Variants in OTOGL observed in about 807,000 individuals in gnomAD.
OTOGL encodes the protein otogelin-like protein.
OTOGL carries 285 observed loss-of-function variants against 318.5 expected under a neutral mutation model. The observed-to-expected ratio is 0.89, with a 90% CI of 0.81 to 0.99. The LOEUF is 0.99. OTOGL is among the 50% of genes least tolerant of loss of function. The pLI is 0.00. For synonymous variants in OTOGL, 987 were observed against 936.5 expected (o/e 1.05, Z -0.99); for missense variants, 2,899 against 2,845.6 (o/e 1.02, Z -0.43).
intron 1 of OTOGL, among the ~76,000 whole-genome samples, chr12:80,161,061 T>C (rs533178944): frequency 6.6e-6 from 1 of 152,020 alleles, no homozygotes; most frequent in South Asian, 2.1e-4. Flanking sequence ...AATGACATAA[T>C]GGACTTTGGG....
Position 80,368,197 on chromosome 12 carries a change from A to G in OTOGL, c.6511-8A>G. The G allele has an allele frequency of 6.4e-7, 1 of 1,563,282 alleles. No individual in the cohort carries two copies. Among genetic ancestry groups the G allele is most frequent in the Non-Finnish European group, 8.8e-7 (1 of 1,142,648 alleles). On this transcript the variant is annotated splice_polypyrimidine_tract_variant and splice_region_variant and intron_variant, in intron 54 of 58. Transcript: ENST00000547103. ...ATGGTGTCGCTAATCTAATATCATT[A>G]TATGCAGCACCAGGTATATACTCCA...
chr12:80,258,916 CT>C (rs2137533483), intron 18 of OTOGL, among the ~76,000 whole-genome samples: 1 of 151,928 alleles, frequency 6.6e-6, no homozygotes, highest in East Asian at 1.9e-4. Context: ...TATATAATGA[CT>C]ATAATTAATG....
chr12:80,194,848 A>G (rs1875944309), intron 1 of OTOGL, among the ~76,000 whole-genome samples: 1 of 152,144 alleles, frequency 6.6e-6, no homozygotes, highest in Non-Finnish European at 1.5e-5. Flanking sequence ...AACTGGAAAC[A>G]TTGTACAAGC....
Position 80,273,627 on chromosome 12 carries a change from G to A in OTOGL, c.2681+1817G>A, listed in dbSNP as rs901398148. Among the ~76,000 whole-genome samples the A allele has an allele frequency of 5.3e-5, 8 of 152,168 alleles. 1 individual carries two copies. The South Asian group carries it at 8.3e-4, about 16-fold the overall frequency. ...GTTATATAGTAAGAGCTCAGCAAAT[G>A]TTTATTTCTTATCCCACTGCCCAAA... On this transcript the variant is annotated intron_variant, in intron 24 of 58. Transcript: ENST00000547103.
At chr12:80,285,370 T>G (rs193138609) in intron 26 of OTOGL, among the ~76,000 whole-genome samples, 18 of 152,300 alleles carry the variant, frequency 1.2e-4, no homozygotes, top group Non-Finnish European at 2.4e-4. Flanking sequence ...GGCTCTTTTT[T>G]GATTCCATAT....
chr12:80,156,120 C>A (rs182600481), intron 1 of OTOGL, among the ~76,000 whole-genome samples: 1 of 152,236 alleles, frequency 6.6e-6, no homozygotes, highest in Admixed American at 6.5e-5. Context: ...CATTTGAGTC[C>A]GTGGACTGCG....
chr12:80,160,070 A>C lies in OTOGL; in HGVS notation c.-19-49343A>C, dbSNP rs187256704. On this transcript the variant is annotated intron_variant, in intron 1 of 58. Transcript: ENST00000547103. ...TGTAAGAGAAAGAAACTGGATTCTC[A>C]TCTCTCATTTTATACAAAAATCAAT... Among the ~76,000 whole-genome samples, 640 of 152,234 alleles carry C rather than the reference A, an allele frequency of 4.2e-3. 5 individuals are homozygous for C. Among genetic ancestry groups the C allele is most frequent in the African/African-American group, 0.015 (614 of 41,570 alleles).
chr12:80,129,508 C>T (rs1469650120), intron 1 of OTOGL, among the ~76,000 whole-genome samples: 1 of 152,190 alleles, frequency 6.6e-6, no homozygotes, highest in African/African-American at 2.4e-5. Context: ...TCAAAAATAT[C>T]AACTAATACT....
Position 80,339,065 on chromosome 12 carries a change from G to A in OTOGL, c.4861-10G>A. On this transcript the variant is annotated splice_polypyrimidine_tract_variant and intron_variant, in intron 42 of 58. Transcript: ENST00000547103. ...AATATTTCTTAACAGGTGTATTTAT[G>A]TTATTCTAGGTAGAAGTGGATTCCA... is the stretch of plus-strand genomic sequence containing the variant. 6.3e-7 allele frequency: 1 copy of A among 1,579,312 alleles called. No homozygotes were observed. The highest frequency in any genetic ancestry group is 8.7e-7 in the Non-Finnish European group (1 of 1,153,192).
chr12:80,321,767 GGTGTGGTGACATACATTCTTTA>G (rs994295484), intron 34 of OTOGL, among the ~76,000 whole-genome samples: 3 of 152,094 alleles, frequency 2.0e-5, no homozygotes, highest in Non-Finnish European at 2.9e-5. Context: ...TGCATTCTTA[GGTGTGGTGACATACATTCTTTA>G]GTGTGGTGAC....
chr12:80,203,355 C>G (rs1209690610), intron 1 of OTOGL, among the ~76,000 whole-genome samples: 1 of 151,878 alleles, frequency 6.6e-6, no homozygotes, highest in South Asian at 2.1e-4. Context: ...TTATAAGGAC[C>G]CTTTATCTGG....
intron 1 of OTOGL, among the ~76,000 whole-genome samples, chr12:80,103,502 T>G (rs1049697867): frequency 2.6e-5 from 4 of 152,194 alleles, no homozygotes; most frequent in African/African-American, 9.6e-5. Flanking sequence ...AAATATCACT[T>G]TCTTGACCCC....
intron 1 of OTOGL, among the ~76,000 whole-genome samples, chr12:80,204,651 A>T (rs1444468147): frequency 2.0e-5 from 3 of 152,304 alleles, no homozygotes; most frequent in African/African-American, 7.2e-5. Context: ...CATGATATAA[A>T]AATCTTCCAA....
At chr12:80,276,899 C>T (rs926260229) in intron 24 of OTOGL, among the ~76,000 whole-genome samples, 56 of 151,300 alleles carry the variant, frequency 3.7e-4, no homozygotes, top group African/African-American at 1.3e-3. Context: ...GTACTGTGTA[C>T]GAACAGCCAT....
intron 1 of OTOGL, among the ~76,000 whole-genome samples, chr12:80,112,683 A>G (rs1462990364): frequency 6.7e-6 from 1 of 148,226 alleles, no homozygotes; most frequent in Non-Finnish European, 1.5e-5. Flanking sequence ...GATGTTCATT[A>G]GGGATATTTG....
chr12:80,105,405 T>C (rs987220553), intron 1 of OTOGL, among the ~76,000 whole-genome samples: 6 of 152,192 alleles, frequency 3.9e-5, no homozygotes, highest in Non-Finnish European at 8.8e-5. Context: ...GCTAGCTATT[T>C]TGAGAAAGTT....
chr12:80,128,750 TC>T (rs1226550305), intron 1 of OTOGL, among the ~76,000 whole-genome samples: 3 of 152,024 alleles, frequency 2.0e-5, no homozygotes, highest in African/African-American at 7.3e-5. Flanking sequence ...CGGGCACCCG[TC>T]CCCCAGCCTC....
At chr12:80,210,809 A>G in intron 2 of OTOGL, 38 bp from the exon 3 acceptor site, 1 of 1,327,110 alleles carries the variant, frequency 7.5e-7, no homozygotes, top group Non-Finnish European at 1.0e-6. Context: ...ATATATTTGG[A>G]TAATTTTTTT....
chr12:80,209,540 A>G, intron 2 of OTOGL, 30 bp downstream of exon 2: 1 of 1,358,144 alleles, frequency 7.4e-7, no homozygotes, highest in South Asian at 1.3e-5. Context: ...TTTTATGTTA[A>G]TTTATTGTAT....
Sources: allele counts gnomAD v4.1 joint callset (sites outside exome capture counted in the v4.1 genomes callset), GRCh38; gene constraint gnomAD v4.1.1; transcripts MANE v1.5; gene names NCBI Gene and HGNC (gene_info 2026-07-23, HGNC 2026-07-21).